HDAC9: variants seen among roughly 807,000 people sequenced by gnomAD.
The protein encoded by HDAC9 is MEF-2 interacting transcription repressor (MITR) protein.
A neutral mutation model predicts 139.4 loss-of-function variants in HDAC9; 41 were observed. The ratio of observed to expected loss-of-function variants is 0.29; its 90% CI spans 0.23 to 0.38. The LOEUF is 0.38. Among genes scored for constraint, HDAC9 ranks in the 10% least tolerant of loss-of-function variants. The pLI is 1.00. For synonymous variants in HDAC9, 517 were observed against 476.2 expected (o/e 1.09, Z -1.12); for missense variants, 1,147 against 1,297.0 (o/e 0.88, Z 1.78).
intron 6 of HDAC9, among the ~76,000 whole-genome samples, chr7:18,620,685 T>C (rs1053991409): frequency 6.6e-6 from 1 of 152,142 alleles, no homozygotes; most frequent in Non-Finnish European, 1.5e-5. Flanking sequence ...GGGAACTGAG[T>C]GCACTGTCAT....
chr7:18,482,979 T>C (rs1409478286), intron 1 of HDAC9, among the ~76,000 whole-genome samples: 1 of 152,240 alleles, frequency 6.6e-6, no homozygotes, highest in Non-Finnish European at 1.5e-5. Context: ...CAGATTTTTT[T>C]GAAGTACTGC....
intron 14 of HDAC9, among the ~76,000 whole-genome samples, chr7:18,754,589 C>T (rs1010493970): frequency 2.6e-5 from 4 of 152,194 alleles, no homozygotes; most frequent in Admixed American, 1.3e-4. Context: ...AACTTTGCTT[C>T]GCTTAATTCA....
chr7:18,279,760 C>T (rs926715808), intron 2 of HDAC9, among the ~76,000 whole-genome samples: 11 of 152,084 alleles, frequency 7.2e-5, no homozygotes, highest in African/African-American at 2.7e-4. Flanking sequence ...CCACCATGCC[C>T]AGCCACATTT....
intron 1 of HDAC9, among the ~76,000 whole-genome samples, chr7:18,345,124 T>G (rs1782303434): frequency 6.6e-6 from 1 of 151,950 alleles, no homozygotes; most frequent in Non-Finnish European, 1.5e-5. Flanking sequence ...TGGTAGTAGG[T>G]GCTCCTGAGA....
At chr7:18,245,546 G>A (rs571195157) in intron 2 of HDAC9, among the ~76,000 whole-genome samples, 1 of 152,182 alleles carries the variant, frequency 6.6e-6, no homozygotes, top group African/African-American at 2.4e-5. Flanking sequence ...GGCCCATTTA[G>A]CCTCTGGGGG....
At chr7:18,235,382 A>G (rs952411282) in intron 2 of HDAC9, among the ~76,000 whole-genome samples, 2 of 152,048 alleles carry the variant, frequency 1.3e-5, no homozygotes, top group Admixed American at 6.6e-5. Flanking sequence ...AAAACAATGC[A>G]CAAGTTTTGA....
chr7:18,785,562 T>C (rs1315605163), intron 16 of HDAC9, among the ~76,000 whole-genome samples: 5 of 152,092 alleles, frequency 3.3e-5, no homozygotes. Flanking sequence ...ACTTGAAACA[T>C]TTGATTTAAA....
chr7:18,861,412 G>C (rs920942610), intron 21 of HDAC9, among the ~76,000 whole-genome samples: 4 of 152,134 alleles, frequency 2.6e-5, no homozygotes, highest in Middle Eastern at 3.2e-3. Context: ...ATAAGAATCA[G>C]TTTATCTGTT....
chr7:18,110,497 A>G (rs899798616), intron 1 of HDAC9, among the ~76,000 whole-genome samples: 1 of 152,182 alleles, frequency 6.6e-6, no homozygotes, highest in South Asian at 2.1e-4. Flanking sequence ...AGATGTGACA[A>G]AGGACAAGGA....
intron 1 of HDAC9, among the ~76,000 whole-genome samples, chr7:18,316,917 C>A (rs1376249477): frequency 1.3e-5 from 2 of 151,706 alleles, no homozygotes; most frequent in Admixed American, 6.6e-5. Context: ...CACAGTGAAA[C>A]TCTGTGTCTA....
At chr7:18,305,255 G>T (rs911144685) in intron 1 of HDAC9, among the ~76,000 whole-genome samples, 3 of 152,124 alleles carry the variant, frequency 2.0e-5, no homozygotes, top group African/African-American at 7.2e-5. Flanking sequence ...TGCCACAATA[G>T]CAAAAATCGT....
intron 21 of HDAC9, among the ~76,000 whole-genome samples, chr7:18,859,549 T>TAA (rs556494978): frequency 6.4e-5 from 9 of 139,860 alleles, no homozygotes; most frequent in Non-Finnish European, 7.9e-5. Context: ...GCTACGCAAT[T>TAA]AAAAAAAAAA....
chr7:18,170,072 A>G (rs1788306072), intron 2 of HDAC9, among the ~76,000 whole-genome samples: 1 of 152,218 alleles, frequency 6.6e-6, no homozygotes, highest in African/African-American at 2.4e-5. Context: ...TTGCACTCCC[A>G]CCAACAGTGT....
intron 2 of HDAC9, among the ~76,000 whole-genome samples, chr7:18,500,184 G>A (rs960977816): frequency 2.0e-5 from 3 of 152,054 alleles, no homozygotes; most frequent in African/African-American, 7.2e-5. Flanking sequence ...TGTCCGTTAA[G>A]TAAGAAAATC....
intron 8 of HDAC9, among the ~76,000 whole-genome samples, chr7:18,640,250 A>T (rs980724492): frequency 6.6e-6 from 1 of 150,912 alleles, no homozygotes; most frequent in South Asian, 2.1e-4. Flanking sequence ...GAAAAAAAAA[A>T]ACCTAACAAA....
chr7:18,806,387 T>A (rs1220528357), intron 17 of HDAC9, among the ~76,000 whole-genome samples: 2 of 152,318 alleles, frequency 1.3e-5, no homozygotes, highest in East Asian at 3.9e-4. Flanking sequence ...TTCCTTGTGG[T>A]CGTGAGACTT....
chr7:18,283,782 C>G (rs1240190727), intron 2 of HDAC9, among the ~76,000 whole-genome samples: 2 of 152,116 alleles, frequency 1.3e-5, no homozygotes, highest in Non-Finnish European at 1.5e-5. Context: ...AGATGGGAAA[C>G]ATTCAGCTGC....
At chr7:18,380,627 G>C (rs935148644) in intron 1 of HDAC9, among the ~76,000 whole-genome samples, 1 of 152,130 alleles carries the variant, frequency 6.6e-6, no homozygotes, top group African/African-American at 2.4e-5. Flanking sequence ...GTCTAGCGAT[G>C]GTCTTCACTG....
intron 21 of HDAC9, among the ~76,000 whole-genome samples, chr7:18,852,117 C>CT (rs1366735028): frequency 6.6e-6 from 1 of 152,178 alleles, no homozygotes; most frequent in East Asian, 1.9e-4. Context: ...TTTGAGGTAT[C>CT]TTTCATGTGC....
Sources: gnomAD v4.1 joint callset for allele counts (sites outside exome capture counted in the v4.1 genomes callset) on GRCh38, gnomAD v4.1.1 for gene constraint, MANE v1.5 for transcripts, NCBI Gene and HGNC (gene_info 2026-07-23, HGNC 2026-07-21) for gene names.